DIP2C: variants seen among roughly 807,000 people sequenced by gnomAD.
DIP2C encodes disco-interacting protein 2 homolog C.
In DIP2C, 33 loss-of-function variants were observed where a neutral mutation model predicts 192.4. The ratio of observed to expected loss-of-function variants is 0.17; its 90% CI spans 0.13 to 0.23. The LOEUF (loss-of-function observed/expected upper bound fraction) is 0.23, where lower values mean the gene tolerates loss of function less well. Ranked by LOEUF, DIP2C falls within the 10% of genes least tolerant of loss-of-function variation. The pLI, the probability that DIP2C is intolerant of heterozygous loss-of-function variation, is 1.00. For synonymous variants in DIP2C, 979 were observed against 864.1 expected, an observed-to-expected ratio of 1.13 and a Z score of -2.33; for missense variants, 1,537 against 2,110.1, an observed-to-expected ratio of 0.73 and a Z score of 5.32.
chr10:573,189 C>T (rs1309933997), intron 1 of DIP2C, among the ~76,000 whole-genome samples: 1 of 152,070 alleles, frequency 6.6e-6, no homozygotes, highest in Non-Finnish European at 1.5e-5. Flanking sequence ...AACTCACATC[C>T]AAGGAAGGGA....
At chr10:585,625 C>A (rs1037820694) in intron 1 of DIP2C, among the ~76,000 whole-genome samples, 8 of 152,126 alleles carry the variant, frequency 5.3e-5, no homozygotes, top group African/African-American at 1.9e-4. Flanking sequence ...GAGCCCAAAT[C>A]CCCTAAACCA....
At chr10:371,956 A>G (rs924649963) in intron 17 of DIP2C, among the ~76,000 whole-genome samples, 1 of 152,204 alleles carries the variant, frequency 6.6e-6, no homozygotes, top group African/African-American at 2.4e-5. Context: ...TGAAAGCAAA[A>G]TGCTAGGCTA....
intron 3 of DIP2C, among the ~76,000 whole-genome samples, chr10:456,638 A>C (rs888665157): frequency 6.6e-6 from 1 of 152,234 alleles, no homozygotes; most frequent in Non-Finnish European, 1.5e-5. Flanking sequence ...AAAACTGTGC[A>C]AGAGGCCAGA....
chr10:640,807 T>TG (rs1564295253), intron 1 of DIP2C, among the ~76,000 whole-genome samples: 3 of 151,322 alleles, frequency 2.0e-5, no homozygotes, highest in Non-Finnish European at 4.4e-5. Context: ...TCCGAGAACC[T>TG]GGGGGCAGCA....
intron 1 of DIP2C, among the ~76,000 whole-genome samples, chr10:510,875 G>A (rs1313733825): frequency 1.3e-5 from 2 of 152,228 alleles, no homozygotes; most frequent in African/African-American, 4.8e-5. Context: ...TGGCTGCTCA[G>A]AGCTGGTGGT....
intron 1 of DIP2C, among the ~76,000 whole-genome samples, chr10:576,244 C>T (rs1564217068): frequency 6.6e-6 from 1 of 152,246 alleles, no homozygotes; most frequent in Non-Finnish European, 1.5e-5. Flanking sequence ...AGGAAGGGAG[C>T]TGTCGCCCAG....
In DIP2C at chr10:347,126, G is replaced by A. The variant is rs868311955; in HGVS notation, c.3231+1515C>T. On this transcript the variant is annotated intron_variant, in intron 26 of 36. Coordinates refer to ENST00000280886, the MANE Select transcript of DIP2C (RefSeq NM_014974.3). ...TCTCCCGGAAACCCCACACTCACCC[G>A]GACACATCGCGCATAGTTCTCCCGG... Among the ~76,000 whole-genome samples, 2 of 1,446 alleles carry A rather than the reference G, an allele frequency of 1.4e-3. 1 individual carries two copies. The highest frequency in any genetic ancestry group is 2.2e-3 in the African/African-American group (2 of 922). The allele number at this position is 1,446 out of a possible 152,430, so 0.9% of individuals were successfully genotyped here.
At chr10:530,822 T>C (rs889677282) in intron 1 of DIP2C, among the ~76,000 whole-genome samples, 1 of 152,028 alleles carries the variant, frequency 6.6e-6, no homozygotes, top group African/African-American at 2.4e-5. Flanking sequence ...GGGAGGAAGG[T>C]TGGCCCCAAA....
In DIP2C at chr10:382,779, CA is replaced by C. The variant is rs774078046; in HGVS notation, c.1877-19del. 165 of 1,554,780 alleles carry C rather than the reference CA, an allele frequency of 1.1e-4. No homozygotes were observed. The African/African-American group carries it at 2.1e-3, about 20-fold the overall frequency. On this transcript the variant is annotated intron_variant, in intron 16 of 36. Transcript: ENST00000280886. Reference sequence around the variant, plus strand: ...AATAGACCCTAGAGTGAAAGAGGGACAATGATCAGACAGCTGAAGCACTGTG... The same window carrying C: ...AATAGACCCTAGAGTGAAAGAGGGACATGATCAGACAGCTGAAGCACTGTG...
At chr10:384,001 C>G in intron 16 of DIP2C, 26 bp downstream of exon 16, 1 of 1,501,054 alleles carries the variant, frequency 6.7e-7, no homozygotes, top group Non-Finnish European at 8.8e-7. Flanking sequence ...CCGCCTGCCT[C>G]ACGAGATCAC....
intron 7 of DIP2C, among the ~76,000 whole-genome samples, chr10:415,155 TGA>T (rs1446047540): frequency 3.3e-5 from 5 of 151,900 alleles, no homozygotes; most frequent in Admixed American, 6.6e-5. Context: ...GCCCAATCCT[TGA>T]GAGAGGTGAA....
intron 32 of DIP2C, among the ~76,000 whole-genome samples, chr10:304,743 T>TAC (rs1255335741): frequency 3.6e-5 from 3 of 83,544 alleles, no homozygotes; most frequent in African/African-American, 1.2e-4. Context: ...GTAACATACT[T>TAC]ACACACACAT....
At chr10:398,327 A>G (rs370701648) in intron 10 of DIP2C, among the ~76,000 whole-genome samples, 2 of 152,220 alleles carry the variant, frequency 1.3e-5, no homozygotes, top group South Asian at 4.1e-4. Context: ...ACTGGCTTCT[A>G]TTGATTTCAG....
intron 21 of DIP2C, among the ~76,000 whole-genome samples, chr10:362,925 A>G (rs901619265): frequency 6.6e-6 from 1 of 152,200 alleles, no homozygotes; most frequent in Non-Finnish European, 1.5e-5. Flanking sequence ...ACTTTGGAGA[A>G]AAGATAACAT....
At chr10:571,152 C>T (rs546882856) in intron 1 of DIP2C, among the ~76,000 whole-genome samples, 27 of 152,230 alleles carry the variant, frequency 1.8e-4, no homozygotes, top group Non-Finnish European at 3.2e-4. Context: ...AATGACAGGC[C>T]GCTCAGCTAA....
rs1954461760 is a variant in DIP2C, at chr10:275,377, A to C, written c.*1948T>G. On this transcript the variant is annotated 3_prime_UTR_variant, in exon 37 of 37. Transcript: ENST00000280886. ...AGCATGTGGAGAAATATTCACACACAGCAATGAGGTCAAACAATATTTCAA... is the reference window on the plus strand; with the variant it reads ...AGCATGTGGAGAAATATTCACACACCGCAATGAGGTCAAACAATATTTCAA... The C allele has an allele frequency of 6.6e-6, 1 of 152,316 alleles. No homozygotes were observed. The highest frequency in any genetic ancestry group is 2.1e-4 in the South Asian group (1 of 4,818). The allele number at this position is 152,316 out of a possible 1,614,324, so 9.4% of individuals were successfully genotyped here.
intron 1 of DIP2C, among the ~76,000 whole-genome samples, chr10:627,687 C>T (rs1854281891): frequency 6.6e-6 from 1 of 152,260 alleles, no homozygotes; most frequent in Admixed American, 6.5e-5. Context: ...TGCTTTAAGC[C>T]TCAGACTTTT....
intron 10 of DIP2C, among the ~76,000 whole-genome samples, chr10:394,101 T>C (rs990721240): frequency 6.6e-6 from 1 of 152,216 alleles, no homozygotes; most frequent in African/African-American, 2.4e-5. Context: ...GAATCCAGAT[T>C]ATCGGCATCC....
At chr10:595,734 C>T (rs958098338) in intron 1 of DIP2C, among the ~76,000 whole-genome samples, 42 of 152,162 alleles carry the variant, frequency 2.8e-4, no homozygotes, top group African/African-American at 9.9e-4. Context: ...TAGGAAATGT[C>T]GGCCCTCCAC....
Sources: allele counts gnomAD v4.1 joint callset (sites outside exome capture counted in the v4.1 genomes callset), GRCh38; gene constraint gnomAD v4.1.1; transcripts MANE v1.5; gene names NCBI Gene and HGNC (gene_info 2026-07-23, HGNC 2026-07-21).